DNAJA1: variants seen among roughly 807,000 people sequenced by gnomAD.
The protein encoded by DNAJA1 is DnaJ heat shock protein family (Hsp40) member A1.
Under a neutral mutation model 47.6 loss-of-function variants are expected in DNAJA1, and 26 were observed. The observed-to-expected ratio is 0.55, with a 90% CI of 0.40 to 0.76. The LOEUF is 0.76. Among genes scored for constraint, DNAJA1 ranks in the 30% least tolerant of loss-of-function variants. The pLI is 0.00. For missense variants in DNAJA1, 315 were observed against 485.0 expected (o/e 0.65, Z 3.29); for synonymous variants, 165 against 158.4 (o/e 1.04, Z -0.31).
chr9:33,036,992 G>T (rs1839045177), intron 7 of DNAJA1, 23 bp from the exon 8 acceptor site: 2 of 1,594,854 alleles, frequency 1.3e-6, no homozygotes, highest in Admixed American at 1.7e-5. Context: ...ACTTAAGGAA[G>T]AACTTGGCTT....
At chr9:33,036,458 A>G (rs557993510) in intron 6 of DNAJA1, 116 bp from the exon 7 acceptor site, 5 of 596,238 alleles carry the variant, frequency 8.4e-6, no homozygotes, top group Middle Eastern at 4.6e-4. Context: ...ATGGGGGAAG[A>G]AAAGGGTGTC....
At chr9:33,026,328 C>A (rs976032398) in intron 1 of DNAJA1, 147 bp from the exon 2 acceptor site, 2 of 714,816 alleles carry the variant, frequency 2.8e-6, no homozygotes, top group South Asian at 4.0e-5. Context: ...GCTGAATTAT[C>A]GCAGGAATTG....
At chr9:33,033,467 G>A (rs1044318700) in intron 5 of DNAJA1, among the ~76,000 whole-genome samples, 10 of 151,922 alleles carry the variant, frequency 6.6e-5, no homozygotes, top group South Asian at 2.1e-4. Context: ...ATAGGATGCC[G>A]AGGCAGGATC....
At position 33,038,629 on chromosome 9, in the gene DNAJA1, T is replaced by A; in HGVS notation, c.976-56T>A. 8 of 1,515,950 alleles carry A rather than the reference T, an allele frequency of 5.3e-6. No homozygotes were observed. In the South Asian group the frequency reaches 8.4e-5, roughly 16 times the overall value. The allele number at this position is 1,515,950 out of a possible 1,614,324, so 93.9% of individuals were successfully genotyped here. On this transcript the variant is annotated intron_variant, in intron 8 of 8. Coordinates refer to ENST00000330899, the MANE Select transcript of DNAJA1 (RefSeq NM_001539.4). The stretch of plus-strand genomic sequence containing the variant: ...TTTTCTGGGGAAAATGGGTCCATGA[T>A]ACTCTAAGGGAGCTAATGATGAAAT...
chr9:33,036,506 C>T, intron 6 of DNAJA1, 68 bp from the exon 7 acceptor site: 1 of 1,011,452 alleles, frequency 9.9e-7, no homozygotes, highest in Non-Finnish European at 1.5e-6. Flanking sequence ...AACAAAAAAA[C>T]AGCCTGCTTT....
intron 7 of DNAJA1, 45 bp downstream of exon 7, chr9:33,036,734 A>G: frequency 2.8e-6 from 4 of 1,418,044 alleles, no homozygotes; most frequent in Non-Finnish European, 3.9e-6. Context: ...CTATTCTAGT[A>G]TTTTCCTTGT....
chr9:33,035,234 A>G (rs773786250), intron 6 of DNAJA1, among the ~76,000 whole-genome samples: 40 of 152,158 alleles, frequency 2.6e-4, no homozygotes, highest in Non-Finnish European at 5.6e-4. Context: ...TAAAAATTAA[A>G]AAATTAGCCA....
intron 5 of DNAJA1, 46 bp downstream of exon 5, chr9:33,030,713 AT>A: frequency 6.9e-7 from 1 of 1,439,658 alleles, no homozygotes. Flanking sequence ...GCTGTGGCAG[AT>A]TTATTATTAA....
Position 33,033,003 on chromosome 9 carries a change from G to A in DNAJA1, c.644-1213G>A, listed in dbSNP as rs142557586. On this transcript the variant is annotated intron_variant, in intron 5 of 8. Transcript: ENST00000330899. ...AGGTGAAACATGATTGCTCTGTTAG[G>A]TAACCAGAGTGATCTTGGGAAATAA... Among the ~76,000 whole-genome samples, 801 of 152,234 alleles carry A rather than the reference G, an allele frequency of 5.3e-3. 8 individuals are homozygous for A. Among genetic ancestry groups the A allele is most frequent in the African/African-American group, 0.018 (753 of 41,516 alleles).
At chr9:33,038,368 C>T (rs191585382) in intron 8 of DNAJA1, among the ~76,000 whole-genome samples, 3 of 152,182 alleles carry the variant, frequency 2.0e-5, no homozygotes, top group South Asian at 2.1e-4. Context: ...TTAAATATGT[C>T]GTAAGAAGGG....
At position 33,037,049 on chromosome 9, in the gene DNAJA1, A is replaced by G; in HGVS notation, c.909A>G (p.Val303=). 6.2e-7 allele frequency: 1 copy of G among 1,613,808 alleles called. No homozygotes were observed. The highest frequency in any genetic ancestry group is 8.5e-7 in the Non-Finnish European group (1 of 1,179,960). Reference sequence around the variant, plus strand: ...TCAAGCATGGAGATATCAAGTGTGTACTAAATGAAGGCATGCCAATTTATC... The same window carrying G: ...TCAAGCATGGAGATATCAAGTGTGTGCTAAATGAAGGCATGCCAATTTATC... ...QIVKHGDIKC[V]LNEGMPIYRR... is the part of the protein sequence containing the mutation. The change falls in exon 8 of 9, where the codon GTA becomes GTG. Residue 303 remains valine, a synonymous_variant. Coordinates refer to ENST00000330899, the MANE Select transcript of DNAJA1 (RefSeq NM_001539.4).
chr9:33,025,783 T>C (rs1011176019), intron 1 of DNAJA1, among the ~76,000 whole-genome samples: 1 of 151,908 alleles, frequency 6.6e-6, no homozygotes, highest in Non-Finnish European at 1.5e-5. Context: ...GGGCGGAGAC[T>C]GCGGCTTTTG....
At chr9:33,026,724 C>T in intron 2 of DNAJA1, 89 bp from the exon 3 acceptor site, 1 of 1,569,626 alleles carries the variant, frequency 6.4e-7, no homozygotes, top group Admixed American at 2.0e-5. Context: ...ATGATCACTT[C>T]TCGGCCTTTT....
chr9:33,036,785 C>T (rs1839042025), intron 7 of DNAJA1, 96 bp downstream of exon 7: 1 of 914,900 alleles, frequency 1.1e-6, no homozygotes, highest in Admixed American at 2.8e-5. Context: ...GAGGGAAACC[C>T]ATTGTTTTTC....
intron 6 of DNAJA1, among the ~76,000 whole-genome samples, chr9:33,034,878 C>T (rs1839010305): frequency 6.6e-6 from 1 of 152,042 alleles, no homozygotes; most frequent in Non-Finnish European, 1.5e-5. Flanking sequence ...TCTGTGCATG[C>T]TATATTCCCA....
At position 33,025,754 on chromosome 9, in the gene DNAJA1, A is replaced by AGGGGCTGCG. The variant is rs531501424; in HGVS notation, c.-11+376_-11+384dup. Reference sequence around the variant, plus strand: ...GCACGCGCACAGGGAGGCAGGGGCGAGGGGCTGCGGGGGGAGCCGGGCGGA... The same window carrying AGGGGCTGCG: ...GCACGCGCACAGGGAGGCAGGGGCGAGGGGCTGCGGGGGCTGCGGGGGGAGCCGGGCGGA... On this transcript the variant is annotated intron_variant, in intron 1 of 8. Coordinates refer to ENST00000330899, the MANE Select transcript of DNAJA1 (RefSeq NM_001539.4). Among the ~76,000 whole-genome samples the AGGGGCTGCG allele has an allele frequency of 4.3e-3, 648 of 151,642 alleles. 3 individuals are homozygous for AGGGGCTGCG. Among genetic ancestry groups the AGGGGCTGCG allele is most frequent in the African/African-American group, 0.015 (620 of 41,300 alleles).
At chr9:33,033,183 C>G (rs76198225) in intron 5 of DNAJA1, among the ~76,000 whole-genome samples, 3,223 of 146,876 alleles carry the variant, frequency 0.022, 47 homozygotes, top group Non-Finnish European at 0.035. Context: ...AAAAAAAAGG[C>G]GTGTTTTTTT....
At chr9:33,033,239 G>A (rs192853850) in intron 5 of DNAJA1, among the ~76,000 whole-genome samples, 1 of 151,774 alleles carries the variant, frequency 6.6e-6, no homozygotes, top group East Asian at 1.9e-4. Context: ...CGGACCACAT[G>A]GGCTAAGGGA....
chr9:33,034,682 A>G (rs1023210096), intron 6 of DNAJA1, among the ~76,000 whole-genome samples: 16 of 152,222 alleles, frequency 1.1e-4, no homozygotes. Flanking sequence ...TTTATGATAA[A>G]TTGAATTGCT....
Sources: allele counts gnomAD v4.1 joint callset (sites outside exome capture counted in the v4.1 genomes callset), GRCh38; gene constraint gnomAD v4.1.1; transcripts MANE v1.5; gene names NCBI Gene and HGNC (gene_info 2026-07-23, HGNC 2026-07-21).